SCRN3: variants seen among roughly 807,000 people sequenced by gnomAD.
The protein encoded by SCRN3 is secernin 3, also known as secernin-3.
A neutral mutation model predicts 43.1 loss-of-function variants in SCRN3; 39 were observed. That is an observed-to-expected ratio of 0.91 (90% confidence interval 0.70 to 1.18). The LOEUF (loss-of-function observed/expected upper bound fraction) is 1.18, where lower values mean the gene tolerates loss of function less well. SCRN3 is among the 50% of genes most tolerant of loss of function. The pLI is 0.00. For synonymous variants in SCRN3, 147 were observed against 163.1 expected, an observed-to-expected ratio of 0.90 and a Z score of 0.75; for missense variants, 484 against 498.0, an observed-to-expected ratio of 0.97 and a Z score of 0.27.
intron 7 of SCRN3, among the ~76,000 whole-genome samples, chr2:174,427,472 CT>C (rs1342090700): frequency 6.6e-6 from 1 of 152,066 alleles, no homozygotes; most frequent in Non-Finnish European, 1.5e-5. Flanking sequence ...ATAAACTACT[CT>C]TATAATTGTT....
At chr2:174,413,895 C>A (rs1378432165) in intron 5 of SCRN3, among the ~76,000 whole-genome samples, 2 of 151,924 alleles carry the variant, frequency 1.3e-5, no homozygotes, top group Non-Finnish European at 2.9e-5. Context: ...CCAGCCTGCC[C>A]CCTCACTTCC....
intron 5 of SCRN3, among the ~76,000 whole-genome samples, chr2:174,414,194 A>G (rs1167044057): frequency 6.6e-6 from 1 of 152,190 alleles, no homozygotes. Context: ...ACTTAGCCAC[A>G]TTGAAAGTAG....
At chr2:174,404,384 T>C in intron 5 of SCRN3, 69 bp downstream of exon 5, 1 of 1,028,304 alleles carries the variant, frequency 9.7e-7, no homozygotes. Flanking sequence ...ATGGGAATGA[T>C]AACATCTGTT....
chr2:174,415,368 T>A (rs985231404), intron 5 of SCRN3, among the ~76,000 whole-genome samples: 2 of 152,050 alleles, frequency 1.3e-5, no homozygotes, highest in African/African-American at 4.8e-5. Flanking sequence ...ATTTTAATAT[T>A]TTTTTTAGTG....
intron 1 of SCRN3, chr2:174,396,268 G>C (rs1685304518): frequency 7.1e-6 from 7 of 992,078 alleles, no homozygotes; most frequent in Non-Finnish European, 8.4e-6. Flanking sequence ...AATACTTATT[G>C]AATGACGAAT....
intron 7 of SCRN3, among the ~76,000 whole-genome samples, chr2:174,425,706 A>T (rs1381513852): frequency 6.6e-6 from 1 of 152,028 alleles, no homozygotes; most frequent in Non-Finnish European, 1.5e-5. Context: ...TAAAGCTGTA[A>T]GTATTTTAGG....
At position 174,428,053 on chromosome 2, in the gene SCRN3, A is replaced by G. The variant is rs1009639760; in HGVS notation, c.*158A>G. 8.9e-6 allele frequency: 4 copies of G among 447,632 alleles called. No homozygotes were observed. Among genetic ancestry groups the G allele is most frequent in the Non-Finnish European group, 1.6e-5 (4 of 249,274 alleles). 27.7% of individuals were successfully genotyped at this position (447,632 alleles called of 1,614,324 possible). A position where few individuals can be genotyped will look rare whatever the true frequency, so the allele number is the denominator to read the frequency against. On this transcript the variant is annotated 3_prime_UTR_variant, in exon 8 of 8. Coordinates refer to ENST00000272732, the MANE Select transcript of SCRN3 (RefSeq NM_024583.5). ...TGGTATCTTGACTATTAAACTACGT[A>G]TAGTGTTGCTGAAATAGAAAGAAAA...
chr2:174,423,756 A>G (rs1442633775), intron 6 of SCRN3, among the ~76,000 whole-genome samples: 4 of 140,522 alleles, frequency 2.8e-5, no homozygotes, highest in Non-Finnish European at 4.6e-5. Context: ...GGCGTGAGCC[A>G]CCGCACCCGG....
In SCRN3 at chr2:174,401,158, A is replaced by C; in HGVS notation, c.510A>C (p.Ala170=). The part of the protein sequence containing the change: ...DRNEAWILET[A]GKYWAAEKVQ... ...ATGAAGCCTGGATTCTGGAGACTGC[A>C]GGGAAGTACTGGGCAGCAGAAAAAG... The change falls in exon 4 of 8, where the codon GCA becomes GCC. Residue 170 remains alanine, a synonymous_variant. Coordinates refer to ENST00000272732, the MANE Select transcript of SCRN3 (RefSeq NM_024583.5). 2 of 1,613,962 alleles carry C rather than the reference A, an allele frequency of 1.2e-6. No individual in the cohort carries two copies. The highest frequency in any genetic ancestry group is 1.7e-5 in the Admixed American group (1 of 59,994).
At chr2:174,401,983 T>C (rs925200152) in intron 4 of SCRN3, among the ~76,000 whole-genome samples, 9 of 152,224 alleles carry the variant, frequency 5.9e-5, no homozygotes, top group Non-Finnish European at 1.2e-4. Flanking sequence ...AGAAAGGTTA[T>C]TATCGTGAGC....
At chr2:174,402,442 C>T (rs1685538889) in intron 4 of SCRN3, among the ~76,000 whole-genome samples, 1 of 152,186 alleles carries the variant, frequency 6.6e-6, no homozygotes, top group Non-Finnish European at 1.5e-5. Context: ...AATCCCAGCA[C>T]TTTGAGAGGC....
rs532440225 is a variant in SCRN3 at position 174,429,130 on chromosome 2, G to T, written c.*1235G>T. 6.6e-6 allele frequency: 1 copy of T among 152,306 alleles called. No homozygotes were observed. The highest frequency in any genetic ancestry group is 2.4e-5 in the African/African-American group (1 of 41,570). The allele number at this position is 152,306 out of a possible 1,614,324, so 9.4% of individuals were successfully genotyped here. A position where few individuals can be genotyped will look rare whatever the true frequency, so the allele number is the denominator to read the frequency against. On this transcript the variant is annotated 3_prime_UTR_variant, in exon 8 of 8. Transcript: ENST00000272732. ...AGATGTCTGACTCAAGAACTCAGTT[G>T]ATTCTGTTTGCCTTAAGTTTGGTTC...
Position 174,423,777 on chromosome 2 carries a change from C to CTTTT in SCRN3, c.918-675_918-672dup, listed in dbSNP as rs67646903. Among the ~76,000 whole-genome samples, 8 of 95,850 alleles carry CTTTT rather than the reference C, an allele frequency of 8.3e-5. 1 individual carries two copies. Among genetic ancestry groups the CTTTT allele is most frequent in the African/African-American group, 3.6e-4 (7 of 19,614 alleles). 62.9% of individuals were successfully genotyped at this position (95,850 alleles called of 152,430 possible). On this transcript the variant is annotated intron_variant, in intron 6 of 7. Transcript: ENST00000272732. ...AGCCACCGCACCCGGCCAAGTCTTC[C>CTTTT]TTTTTTTTTTTTTTTTTTTTTTTTT...
At chr2:174,422,721 T>A (rs1686334260) in intron 5 of SCRN3, among the ~76,000 whole-genome samples, 164 bp from the exon 6 acceptor site, 1 of 152,192 alleles carries the variant, frequency 6.6e-6, no homozygotes. Flanking sequence ...CCTGTGACAG[T>A]GGAATGAATC....
chr2:174,414,409 T>C (rs1444345191), intron 5 of SCRN3, among the ~76,000 whole-genome samples: 1 of 152,184 alleles, frequency 6.6e-6, no homozygotes, highest in Admixed American at 6.5e-5. Context: ...ATGAAACAAA[T>C]ATGTAATTTT....
intron 4 of SCRN3, 73 bp from the exon 5 acceptor site, chr2:174,404,030 A>T (rs183571478): frequency 7.3e-5 from 85 of 1,169,134 alleles, no homozygotes; most frequent in Non-Finnish European, 1.0e-4. Context: ...ATTAGGAATC[A>T]TGATATACAG....
intron 5 of SCRN3, among the ~76,000 whole-genome samples, chr2:174,408,903 A>T: frequency 2.8e-5 from 1 of 36,326 alleles, no homozygotes; most frequent in African/African-American, 9.5e-5. Context: ...TTTTTCCTTC[A>T]TTTCAACTTT....
At chr2:174,427,631 C>A in intron 7 of SCRN3, 82 bp from the exon 8 acceptor site, 2 of 754,472 alleles carry the variant, frequency 2.7e-6, no homozygotes, top group African/African-American at 1.8e-5. Context: ...ATGAACAAAC[C>A]TTATTTGTAG....
rs1460412951 is a variant in SCRN3, at chr2:174,428,914, G to C, written c.*1019G>C. ...AACACTAAGTATTTTTGAGTTCCTA[G>C]AATGTCCATTTTGGTATTTGGTTAC... On this transcript the variant is annotated 3_prime_UTR_variant, in exon 8 of 8. Transcript: ENST00000272732. 2 of 152,066 alleles carry C rather than the reference G, an allele frequency of 1.3e-5. No homozygotes were observed. Among genetic ancestry groups the C allele is most frequent in the Non-Finnish European group, 2.9e-5 (2 of 68,008 alleles). 9.4% of individuals were successfully genotyped at this position (152,066 alleles called of 1,614,324 possible).
Sources: allele counts gnomAD v4.1 joint callset (sites outside exome capture counted in the v4.1 genomes callset), GRCh38; gene constraint gnomAD v4.1.1; transcripts MANE v1.5; gene names NCBI Gene and HGNC (gene_info 2026-07-23, HGNC 2026-07-21).